LRRC4C: variants seen among roughly 807,000 people sequenced by gnomAD.
LRRC4C encodes the protein leucine rich repeat containing 4C.
Under a neutral mutation model 33.6 loss-of-function variants are expected in LRRC4C, and 5 were observed. The ratio of observed to expected loss-of-function variants is 0.15; its 90% CI spans 0.08 to 0.31. The LOEUF is 0.31. Among genes scored for constraint, LRRC4C ranks in the 10% least tolerant of loss-of-function variants. The pLI, the probability that LRRC4C is intolerant of heterozygous loss-of-function variation, is 1.00. For missense variants in LRRC4C, 560 were observed against 796.7 expected, an observed-to-expected ratio of 0.70 and a Z score of 3.58; for synonymous variants, 329 against 302.0, an observed-to-expected ratio of 1.09 and a Z score of -0.93.
At chr11:40,908,883 T>C (rs1026739952) in intron 2 of LRRC4C, among the ~76,000 whole-genome samples, 2 of 152,222 alleles carry the variant, frequency 1.3e-5, no homozygotes, top group Admixed American at 1.3e-4. Context: ...CAAACATTTA[T>C]TGAACTTCTA....
intron 1 of LRRC4C, among the ~76,000 whole-genome samples, chr11:41,249,874 T>A (rs185340492): frequency 6.6e-6 from 1 of 152,280 alleles, no homozygotes; most frequent in Admixed American, 6.5e-5. Flanking sequence ...CAACTAAATA[T>A]GAACATAATG....
rs117518991 is a variant in LRRC4C, at chr11:40,779,746, G to A, written c.-406-131468C>T. Reference sequence around the variant, plus strand: ...CACAGGTGAGACATGCTGGTCTCTAGTAGAATAAGGCAGTTTGTAAACTTA... The same window carrying A: ...CACAGGTGAGACATGCTGGTCTCTAATAGAATAAGGCAGTTTGTAAACTTA... On this transcript the variant is annotated intron_variant, in intron 2 of 6. Transcript: ENST00000528697. Among the ~76,000 whole-genome samples the A allele has an allele frequency of 3.7e-3, 571 of 152,284 alleles. 2 individuals are homozygous for A. The highest frequency in any genetic ancestry group is 5.1e-3 in the Non-Finnish European group (347 of 68,010).
chr11:41,163,682 G>A (rs895719177), intron 1 of LRRC4C, among the ~76,000 whole-genome samples: 1 of 151,758 alleles, frequency 6.6e-6, no homozygotes, highest in African/African-American at 2.4e-5. Flanking sequence ...CCTGTTCTTG[G>A]CTCACTGCAA....
chr11:40,844,020 T>C (rs1387259457), intron 2 of LRRC4C, among the ~76,000 whole-genome samples: 2 of 152,136 alleles, frequency 1.3e-5, no homozygotes, highest in African/African-American at 4.8e-5. Flanking sequence ...TCTGAGACAT[T>C]ATTGGTGCTC....
At chr11:41,363,445 T>C (rs1202796039) in intron 1 of LRRC4C, among the ~76,000 whole-genome samples, 1 of 152,208 alleles carries the variant, frequency 6.6e-6, no homozygotes, top group Admixed American at 6.5e-5. Context: ...TCGCTAATCT[T>C]CAATTCCATC....
intron 2 of LRRC4C, among the ~76,000 whole-genome samples, chr11:40,835,966 C>A (rs914320470): frequency 1.3e-5 from 2 of 152,042 alleles, no homozygotes; most frequent in African/African-American, 4.8e-5. Flanking sequence ...AATTAGTTAT[C>A]CAACATACTT....
At chr11:41,184,448 G>A (rs1945597984) in intron 1 of LRRC4C, among the ~76,000 whole-genome samples, 1 of 152,036 alleles carries the variant, frequency 6.6e-6, no homozygotes, top group African/African-American at 2.4e-5. Flanking sequence ...CAAATCTCTA[G>A]GGCAGGGGCT....
At chr11:41,319,814 G>A (rs192715914) in intron 1 of LRRC4C, among the ~76,000 whole-genome samples, 1 of 152,112 alleles carries the variant, frequency 6.6e-6, no homozygotes, top group African/African-American at 2.4e-5. Context: ...GCCTCCCAAA[G>A]TGCTGGGATT....
intron 3 of LRRC4C, among the ~76,000 whole-genome samples, chr11:40,466,704 T>A (rs1365975548): frequency 1.3e-5 from 2 of 152,026 alleles, no homozygotes; most frequent in African/African-American, 4.8e-5. Flanking sequence ...TGACAAGATA[T>A]CTTTTGTTTT....
chr11:40,131,222 T>C (rs1856622887), intron 6 of LRRC4C, among the ~76,000 whole-genome samples: 1 of 152,178 alleles, frequency 6.6e-6, no homozygotes, highest in Admixed American at 6.5e-5. Flanking sequence ...TTGAAGTCCA[T>C]TGCTAAGACT....
At chr11:40,993,769 T>G (rs1229693638) in intron 1 of LRRC4C, among the ~76,000 whole-genome samples, 1 of 152,112 alleles carries the variant, frequency 6.6e-6, no homozygotes, top group African/African-American at 2.4e-5. Context: ...TACATTTTGG[T>G]TCATTTAACA....
At chr11:40,561,224 G>T (rs1397339112) in intron 3 of LRRC4C, among the ~76,000 whole-genome samples, 3 of 152,028 alleles carry the variant, frequency 2.0e-5, no homozygotes, top group Non-Finnish European at 4.4e-5. Flanking sequence ...TCGAATTCAG[G>T]TCTAAAACCT....
At chr11:40,623,085 T>C (rs1357157112) in intron 3 of LRRC4C, among the ~76,000 whole-genome samples, 1 of 151,748 alleles carries the variant, frequency 6.6e-6, no homozygotes, top group African/African-American at 2.4e-5. Context: ...AGGAGCTCTA[T>C]GTTGTATTTT....
At chr11:40,919,734 T>A (rs930462316) in intron 2 of LRRC4C, among the ~76,000 whole-genome samples, 1 of 152,122 alleles carries the variant, frequency 6.6e-6, no homozygotes, top group Non-Finnish European at 1.5e-5. Context: ...TAGGATTAAA[T>A]TAATAAATGC....
chr11:41,108,645 C>T (rs1471804758), intron 1 of LRRC4C, among the ~76,000 whole-genome samples: 2 of 152,026 alleles, frequency 1.3e-5, no homozygotes, highest in African/African-American at 4.8e-5. Flanking sequence ...AAAATGTCAT[C>T]TTGATGAAAC....
chr11:40,515,342 A>G (rs1352394448), intron 3 of LRRC4C, among the ~76,000 whole-genome samples: 1 of 152,114 alleles, frequency 6.6e-6, no homozygotes, highest in Non-Finnish European at 1.5e-5. Context: ...TTAGTTTACT[A>G]ATAGAATTGG....
At chr11:41,395,713 C>G (rs1953782325) in intron 1 of LRRC4C, among the ~76,000 whole-genome samples, 1 of 151,954 alleles carries the variant, frequency 6.6e-6, no homozygotes, top group African/African-American at 2.4e-5. Context: ...ACTCCTCTGA[C>G]TACATAATTG....
chr11:40,793,927 A>G (rs1440369791), intron 2 of LRRC4C, among the ~76,000 whole-genome samples: 1 of 152,150 alleles, frequency 6.6e-6, no homozygotes, highest in Non-Finnish European at 1.5e-5. Flanking sequence ...CTTCTCTCTT[A>G]TCTTCGTATA....
chr11:40,372,987 AATT>A (rs1202894538), intron 3 of LRRC4C, among the ~76,000 whole-genome samples: 2 of 152,140 alleles, frequency 1.3e-5, no homozygotes, highest in African/African-American at 4.8e-5. Flanking sequence ...GTTGGTGTAC[AATT>A]ATTATTTGAA....
Sources: allele counts gnomAD v4.1 joint callset (sites outside exome capture counted in the v4.1 genomes callset), GRCh38; gene constraint gnomAD v4.1.1; transcripts MANE v1.5; gene names NCBI Gene and HGNC (gene_info 2026-07-23, HGNC 2026-07-21).